BLOC1S6: variants seen among roughly 807,000 people sequenced by gnomAD.
BLOC1S6 encodes biogenesis of lysosomal organelles complex 1 subunit 6.
In BLOC1S6, 24 loss-of-function variants were observed where a neutral mutation model predicts 24.7. The observed-to-expected ratio is 0.97, with a 90% CI of 0.70 to 1.37. BLOC1S6 has a LOEUF of 1.37. Ranked by LOEUF, BLOC1S6 falls within the 40% of genes most tolerant of loss-of-function variation. The pLI is 0.00. For missense variants in BLOC1S6, 175 were observed against 196.2 expected (o/e 0.89, Z 0.64); for synonymous variants, 76 against 72.6 (o/e 1.05, Z -0.23).
intron 2 of BLOC1S6, among the ~76,000 whole-genome samples, chr15:45,597,346 G>T (rs1001459569): frequency 6.6e-6 from 1 of 152,098 alleles, no homozygotes. Flanking sequence ...TGGCGTGGTG[G>T]TGTGCACCTG....
At chr15:45,593,920 GGTA>G (rs1893978809) in intron 2 of BLOC1S6, among the ~76,000 whole-genome samples, 1 of 152,074 alleles carries the variant, frequency 6.6e-6, no homozygotes. Context: ...AGATTACACA[GGTA>G]GTAGTAGAAT....
rs1232126865 is a variant in BLOC1S6 at position 45,606,423 on chromosome 15, G to A, written c.428G>A (p.Arg143Lys). 6.2e-7 allele frequency: 1 copy of A among 1,613,914 alleles called. No individual in the cohort carries two copies. The highest frequency in any genetic ancestry group is 1.7e-5 in the Admixed American group (1 of 59,998). ...KKRALKLQQK[R>K]QKEELEREQQ... The stretch of plus-strand genomic sequence containing the variant: ...AGAGCACTTAAACTGCAGCAGAAGA[G>A]GCAAAAAGAAGAGTTGGAAAGGGAG... Residue 143 changes from arginine to lysine, a missense_variant, in exon 5 of 5, where the codon AGG becomes AAG. Physicochemically the swap from Arg to Lys is conservative, Grantham distance 26 (BLOSUM62 2). Transcript: ENST00000220531.
At chr15:45,598,331 A>G (rs1302960961) in intron 2 of BLOC1S6, 2 of 126,344 alleles carry the variant, frequency 1.6e-5, no homozygotes, top group African/African-American at 6.1e-5. Flanking sequence ...AGTTCTGGCC[A>G]GGGCAATCAG....
chr15:45,588,005 G>A lies in BLOC1S6; in HGVS notation c.82+480G>A, dbSNP rs1893747677. The A allele has an allele frequency of 1.9e-5, 10 of 539,210 alleles. 1 individual carries two copies. The highest frequency in any genetic ancestry group is 1.5e-4 in the South Asian group (6 of 41,152). 33.4% of individuals were successfully genotyped at this position (539,210 alleles called of 1,614,324 possible). A position where few individuals can be genotyped will look rare whatever the true frequency, so the allele number is the denominator to read the frequency against. ...GGGATTTAAGCTCTAATGCCCTAAG[G>A]CATCCATTGAATGGAATGAATTAAC... On this transcript the variant is annotated intron_variant, in intron 1 of 4. Coordinates refer to ENST00000220531, the MANE Select transcript of BLOC1S6 (RefSeq NM_012388.4).
rs1448630944 is a variant in BLOC1S6 at position 45,608,639 on chromosome 15, G to T, written c.*2125G>T. 1 of 152,136 alleles carries T rather than the reference G, an allele frequency of 6.6e-6. No homozygotes were observed. The highest frequency in any genetic ancestry group is 2.4e-5 in the African/African-American group (1 of 41,416). The allele number at this position is 152,136 out of a possible 1,614,324, so 9.4% of individuals were successfully genotyped here. On this transcript the variant is annotated 3_prime_UTR_variant, in exon 5 of 5. Coordinates refer to ENST00000220531, the MANE Select transcript of BLOC1S6 (RefSeq NM_012388.4). ...TTAGTGGTACGTTGGGGTTTCCCACGCTAGGCTGCATAGCATTATAACCTG... is the reference window on the plus strand; with the variant it reads ...TTAGTGGTACGTTGGGGTTTCCCACTCTAGGCTGCATAGCATTATAACCTG...
At chr15:45,587,808 G>A (rs1012848414) in intron 1 of BLOC1S6, 1 of 700,178 alleles carries the variant, frequency 1.4e-6, no homozygotes, top group Non-Finnish European at 2.6e-6. Context: ...TACGTCATTG[G>A]TTATTTGTCA....
rs1212016811 is a variant in BLOC1S6 at position 45,609,110 on chromosome 15, G to A, written c.*2596G>A. 1.3e-5 allele frequency: 2 copies of A among 152,108 alleles called. No homozygotes were observed. Among genetic ancestry groups the A allele is most frequent in the Non-Finnish European group, 2.9e-5 (2 of 68,032 alleles). 9.4% of individuals were successfully genotyped at this position (152,108 alleles called of 1,614,324 possible). On this transcript the variant is annotated 3_prime_UTR_variant, in exon 5 of 5. Coordinates refer to ENST00000220531, the MANE Select transcript of BLOC1S6 (RefSeq NM_012388.4). ...TTTTAAAGTCAATTGTAAACCAGAAGTACTGTTATTTTGGTGATTAAAATC... is the reference window on the plus strand; with the variant it reads ...TTTTAAAGTCAATTGTAAACCAGAAATACTGTTATTTTGGTGATTAAAATC...
At position 45,597,508 on chromosome 15, in the gene BLOC1S6, A is replaced by G. The variant is rs143054426; in HGVS notation, c.224+5232A>G. ...AACAGTTGAGTCTTTTAATCTGTGTACTTGGAGTATCTCTCTATTATTTAG... is the reference window on the plus strand; with the variant it reads ...AACAGTTGAGTCTTTTAATCTGTGTGCTTGGAGTATCTCTCTATTATTTAG... On this transcript the variant is annotated intron_variant, in intron 2 of 4. Transcript: ENST00000220531. Among the ~76,000 whole-genome samples the G allele has an allele frequency of 5.7e-3, 873 of 152,220 alleles. 8 individuals carry two copies. Among genetic ancestry groups the G allele is most frequent in the South Asian group, 0.021 (103 of 4,824 alleles).
In BLOC1S6 at chr15:45,609,303, C is replaced by G. The variant is rs979082448; in HGVS notation, c.*2789C>G. 1 of 151,864 alleles carries G rather than the reference C, an allele frequency of 6.6e-6. No individual in the cohort carries two copies. Among genetic ancestry groups the G allele is most frequent in the African/African-American group, 2.4e-5 (1 of 41,164 alleles). The allele number at this position is 151,864 out of a possible 1,614,324, so 9.4% of individuals were successfully genotyped here. On this transcript the variant is annotated 3_prime_UTR_variant, in exon 5 of 5. Coordinates refer to ENST00000220531, the MANE Select transcript of BLOC1S6 (RefSeq NM_012388.4). Reference sequence around the variant, plus strand: ...CACCACTGAACTCCAGCCCGTATGACAGAGTGAGACCCTGTTTCTAAAAAC... The same window carrying G: ...CACCACTGAACTCCAGCCCGTATGAGAGAGTGAGACCCTGTTTCTAAAAAC...
chr15:45,605,833 G>A (rs746083885), intron 4 of BLOC1S6: 1 of 311,948 alleles, frequency 3.2e-6, no homozygotes, highest in South Asian at 3.1e-5. Flanking sequence ...CAGGTGATAC[G>A]CCTGCCTTGG....
At chr15:45,591,263 A>G (rs561617377) in intron 1 of BLOC1S6, among the ~76,000 whole-genome samples, 69 of 152,274 alleles carry the variant, frequency 4.5e-4, no homozygotes, top group African/African-American at 1.7e-3. Context: ...CTATATCAAA[A>G]TCGATGTTGA....
chr15:45,601,575 T>G (rs1894270658), intron 2 of BLOC1S6, among the ~76,000 whole-genome samples: 2 of 152,208 alleles, frequency 1.3e-5, no homozygotes, highest in African/African-American at 2.4e-5. Context: ...TTTATTATCC[T>G]TTTAATGTCA....
In BLOC1S6 at chr15:45,607,732, C is replaced by A. The variant is rs898175689; in HGVS notation, c.*1218C>A. ...AGGTTGCAGTAAGCCAAGATCGTGCCACTGCACTCCAGCCTTGGTGACAGA... is the reference window on the plus strand; with the variant it reads ...AGGTTGCAGTAAGCCAAGATCGTGCAACTGCACTCCAGCCTTGGTGACAGA... On this transcript the variant is annotated 3_prime_UTR_variant, in exon 5 of 5. Coordinates refer to ENST00000220531, the MANE Select transcript of BLOC1S6 (RefSeq NM_012388.4). The A allele has an allele frequency of 6.6e-6, 1 of 152,042 alleles. No individual in the cohort carries two copies. The highest frequency in any genetic ancestry group is 2.4e-5 in the African/African-American group (1 of 41,366). The allele number at this position is 152,042 out of a possible 1,614,324, so 9.4% of individuals were successfully genotyped here.
intron 2 of BLOC1S6, among the ~76,000 whole-genome samples, chr15:45,596,225 TCTC>T (rs1377884852): frequency 6.6e-6 from 1 of 152,152 alleles, no homozygotes; most frequent in Non-Finnish European, 1.5e-5. Flanking sequence ...TGAGACAGGG[TCTC>T]ACTCTGTTGC....
At chr15:45,602,313 A>G (rs989258217) in intron 2 of BLOC1S6, 4 of 659,822 alleles carry the variant, frequency 6.1e-6, no homozygotes, top group Non-Finnish European at 1.1e-5. Context: ...ATTATTCTCT[A>G]GATAGCACAG....
rs1346018856 is a variant in BLOC1S6, at chr15:45,606,656, T to G, written c.*142T>G. 8.5e-7 allele frequency: 1 copy of G among 1,174,978 alleles called. No homozygotes were observed. Among genetic ancestry groups the G allele is most frequent in the African/African-American group, 1.5e-5 (1 of 65,912 alleles). 72.8% of individuals were successfully genotyped at this position (1,174,978 alleles called of 1,614,324 possible). ...TCCGGTATTACTGTGTCTCCATGCC[T>G]TTTTTCCAAGTAGCAGACGTCATGT... On this transcript the variant is annotated 3_prime_UTR_variant, in exon 5 of 5. Transcript: ENST00000220531.
At chr15:45,594,075 T>C (rs1215470398) in intron 2 of BLOC1S6, among the ~76,000 whole-genome samples, 3 of 152,236 alleles carry the variant, frequency 2.0e-5, no homozygotes, top group Middle Eastern at 3.4e-3. Context: ...AATAAAGATA[T>C]AGGGGAAAGA....
intron 2 of BLOC1S6, among the ~76,000 whole-genome samples, chr15:45,600,835 G>A (rs899320714): frequency 6.6e-6 from 1 of 152,144 alleles, no homozygotes; most frequent in Non-Finnish European, 1.5e-5. Context: ...GTTGGGAGGT[G>A]CTCCTTTTGC....
At chr15:45,595,920 G>A in intron 2 of BLOC1S6, among the ~76,000 whole-genome samples, 1 of 152,028 alleles carries the variant, frequency 6.6e-6, no homozygotes, top group East Asian at 1.9e-4. Flanking sequence ...CGATTCTCCT[G>A]ACTCAGCCTC....
Sources: allele counts gnomAD v4.1 joint callset (sites outside exome capture counted in the v4.1 genomes callset), GRCh38; gene constraint gnomAD v4.1.1; transcripts MANE v1.5; gene names NCBI Gene and HGNC (gene_info 2026-07-23, HGNC 2026-07-21).